PLEKHG4B: variants seen among roughly 807,000 people sequenced by gnomAD.
PLEKHG4B encodes the protein pleckstrin homology and RhoGEF domain containing G4B, also known as pleckstrin homology domain-containing family G member 4B.
Under a neutral mutation model 121.3 loss-of-function variants are expected in PLEKHG4B, and 111 were observed. The observed-to-expected ratio is 0.92, with a 90% CI of 0.78 to 1.07. The LOEUF (loss-of-function observed/expected upper bound fraction) is 1.07, where lower values mean the gene tolerates loss of function less well. PLEKHG4B is among the 50% of genes least tolerant of loss of function. PLEKHG4B has a pLI of 0.00. For synonymous variants in PLEKHG4B, 738 were observed against 725.0 expected (o/e 1.02, Z -0.29); for missense variants, 1,831 against 1,757.8 (o/e 1.04, Z -0.74).
rs777088796 is a variant in PLEKHG4B, at chr5:171,460, G to A, written c.4050+16G>A. 1.2e-5 allele frequency: 18 copies of A among 1,562,624 alleles called. No individual in the cohort carries two copies. Among genetic ancestry groups the A allele is most frequent in the South Asian group, 6.8e-5 (6 of 87,984 alleles). ...CGGCTGTGACGTAAGTGCCTCAGAC[G>A]CTGGCAGCTCAGGCAAGCTGGGGGA... On this transcript the variant is annotated intron_variant, in intron 16 of 19. Coordinates refer to ENST00000637938, the MANE Select transcript of PLEKHG4B (RefSeq NM_052909.5).
chr5:162,073 G>C (rs921515896), intron 12 of PLEKHG4B, 129 bp downstream of exon 12: 11 of 1,209,716 alleles, frequency 9.1e-6, no homozygotes, highest in Admixed American at 2.8e-5. Context: ...CTGCGATGGA[G>C]CCCCCCTGGC....
Position 183,845 on chromosome 5 carries a change from T to A in PLEKHG4B, c.*1522T>A, listed in dbSNP as rs1733510542. ...ACAGTGGAAACTATCCTGGATGGGG[T>A]AACAGATTGGATTTCACAGAAGAGA... On this transcript the variant is annotated 3_prime_UTR_variant, in exon 20 of 20. Coordinates refer to ENST00000637938, the MANE Select transcript of PLEKHG4B (RefSeq NM_052909.5). 1 of 151,950 alleles carries A rather than the reference T, an allele frequency of 6.6e-6. No homozygotes were observed. 9.4% of individuals were successfully genotyped at this position (151,950 alleles called of 1,614,324 possible).
At chr5:146,787 C>G (rs1735435005) in intron 6 of PLEKHG4B, among the ~76,000 whole-genome samples, 2 of 150,926 alleles carry the variant, frequency 1.3e-5, no homozygotes, top group Admixed American at 1.3e-4. Flanking sequence ...CACCACTTCT[C>G]TCCCCCACAC....
Position 182,165 on chromosome 5 carries a change from C to T in PLEKHG4B, c.4726C>T (p.His1576Tyr), listed in dbSNP as rs1407142159. The change falls in exon 20 of 20, where the codon CAC becomes TAC. Residue 1576 changes from histidine to tyrosine, a missense_variant. His to Tyr is a moderately conservative substitution (Grantham distance 83, BLOSUM62 2). Transcript: ENST00000637938. Reference sequence around the variant, plus strand: ...CCTGCTTGTGTCCTCCAGCCCAGCCCACCCGGGCCTATGGAGCCCTGCCCA... The same window carrying T: ...CCTGCTTGTGTCCTCCAGCCCAGCCTACCCGGGCCTATGGAGCCCTGCCCA... ...LGLLVSSSPA[H>Y]PGLWSPAHSP... is the part of the protein sequence containing the mutation. 3.7e-6 allele frequency: 6 copies of T among 1,613,982 alleles called. No individual in the cohort carries two copies. Among genetic ancestry groups the T allele is most frequent in the Non-Finnish European group, 5.1e-6 (6 of 1,180,024 alleles).
chr5:161,733 T>A, intron 11 of PLEKHG4B, 50 bp from the exon 12 acceptor site: 11 of 1,612,268 alleles, frequency 6.8e-6, no homozygotes, highest in Non-Finnish European at 9.3e-6. Flanking sequence ...CCTGGAGACA[T>A]GAACGTGGAA....
At position 184,728 on chromosome 5, in the gene PLEKHG4B, G is replaced by A. The variant is rs1246040636; in HGVS notation, c.*2405G>A. On this transcript the variant is annotated 3_prime_UTR_variant, in exon 20 of 20. Transcript: ENST00000637938. ...TCTCTAAACGGGAAATGGGTTAAAA[G>A]ATGAGTGGCTTGGCCGGGTGCGGTG... 1 of 152,200 alleles carries A rather than the reference G, an allele frequency of 6.6e-6. No homozygotes were observed. The highest frequency in any genetic ancestry group is 1.5e-5 in the Non-Finnish European group (1 of 68,044). 9.4% of individuals were successfully genotyped at this position (152,200 alleles called of 1,614,324 possible). A position where few individuals can be genotyped will look rare whatever the true frequency, so the allele number is the denominator to read the frequency against.
rs1246449050 is a variant in PLEKHG4B, at chr5:157,720, C to T, written c.2487+809C>T. On this transcript the variant is annotated intron_variant, in intron 11 of 19. Transcript: ENST00000637938. This position sits in a 1 kb window ranked among gnomAD's most constrained non-coding sequence, Gnocchi z 4.6. ...GGGTGCACACTCAGATAAAAAGTTTCTTTCTTTTCTCACATATAAACTCTT... is the reference window on the plus strand; with the variant it reads ...GGGTGCACACTCAGATAAAAAGTTTTTTTCTTTTCTCACATATAAACTCTT... 1.3e-5 allele frequency among the ~76,000 whole-genome samples: 2 copies of T among 152,154 alleles called. No individual in the cohort carries two copies. The highest frequency in any genetic ancestry group is 2.9e-5 in the Non-Finnish European group (2 of 68,028).
Position 163,049 on chromosome 5 carries a change from T to C in PLEKHG4B, c.2977T>C (p.Phe993Leu), listed in dbSNP as rs749343873. The C allele has an allele frequency of 1.2e-5, 19 of 1,560,338 alleles. No homozygotes were observed. Among genetic ancestry groups the C allele is most frequent in the Admixed American group, 1.9e-5 (1 of 52,324 alleles). Reference protein sequence around the residue: ...AMRRHQKPPSFPSTDSGGGAW... With the variant: ...AMRRHQKPPSLPSTDSGGGAW... ...GAGGAGGCACCAGAAGCCACCCTCA[T>C]TCCCCAGCACGGACAGTGGGGGTGG... The change falls in exon 13 of 20, where the codon TTC becomes CTC. Residue 993 changes from phenylalanine to leucine, a missense_variant. By Grantham distance (22) the Phe-to-Leu change is conservative. Coordinates refer to ENST00000637938, the MANE Select transcript of PLEKHG4B (RefSeq NM_052909.5).
rs1015587556 is a variant in PLEKHG4B at position 163,357 on chromosome 5, C to T, written c.3285C>T (p.Pro1095=). 8 of 1,613,196 alleles carry T rather than the reference C, an allele frequency of 5.0e-6. No homozygotes were observed. Among genetic ancestry groups the T allele is most frequent in the Non-Finnish European group, 5.9e-6 (7 of 1,180,036 alleles). The change falls in exon 13 of 20, where the codon CCC becomes CCT. Residue 1095 remains proline, a synonymous_variant. Transcript: ENST00000637938. ...SFEIPQPDSG[P]RDSCQPDHTS... is the part of the protein sequence containing the mutation. ...AGATACCTCAGCCCGACAGTGGCCC[C>T]AGGGACTCCTGCCAGCCAGACCATA...
intron 1 of PLEKHG4B, among the ~76,000 whole-genome samples, chr5:98,122 A>G (rs1422588997): frequency 3.9e-5 from 6 of 152,074 alleles, no homozygotes; most frequent in Non-Finnish European, 5.9e-5. Flanking sequence ...TTAAGAATCC[A>G]TTGCCACATG....
At chr5:104,727 T>C (rs1733924286) in intron 1 of PLEKHG4B, among the ~76,000 whole-genome samples, 3 of 152,264 alleles carry the variant, frequency 2.0e-5, no homozygotes, top group Admixed American at 2.0e-4. Flanking sequence ...ATAAGTTGTT[T>C]GACATCCTTT....
Position 182,416 on chromosome 5 carries a change from A to G in PLEKHG4B, c.*93A>G, listed in dbSNP as rs1733439570. 11 of 1,332,776 alleles carry G rather than the reference A, an allele frequency of 8.3e-6. No homozygotes were observed. In the South Asian group the frequency reaches 1.3e-4, roughly 15 times the overall value. The allele number at this position is 1,332,776 out of a possible 1,614,324, so 82.6% of individuals were successfully genotyped here. ...GATGACTCTGGGGGTGGCGGTGCCCATCGCGTGGCTGGAACGATCCAGAGG... is the reference window on the plus strand; with the variant it reads ...GATGACTCTGGGGGTGGCGGTGCCCGTCGCGTGGCTGGAACGATCCAGAGG... On this transcript the variant is annotated 3_prime_UTR_variant, in exon 20 of 20. Coordinates refer to ENST00000637938, the MANE Select transcript of PLEKHG4B (RefSeq NM_052909.5).
rs1733475809 is a variant in PLEKHG4B, at chr5:183,174, G to C, written c.*851G>C. 1 of 152,234 alleles carries C rather than the reference G, an allele frequency of 6.6e-6. No individual in the cohort carries two copies. The highest frequency in any genetic ancestry group is 1.5e-5 in the Non-Finnish European group (1 of 68,050). The allele number at this position is 152,234 out of a possible 1,614,324, so 9.4% of individuals were successfully genotyped here. A position where few individuals can be genotyped will look rare whatever the true frequency, so the allele number is the denominator to read the frequency against. On this transcript the variant is annotated 3_prime_UTR_variant, in exon 20 of 20. Coordinates refer to ENST00000637938, the MANE Select transcript of PLEKHG4B (RefSeq NM_052909.5). The stretch of plus-strand genomic sequence containing the variant: ...TAGCCCTAGACTGAGCCCTGCTCCT[G>C]ACTCGCCTACAAAATCATAAAAGCA...
chr5:96,477 C>A (rs1211260867), intron 1 of PLEKHG4B, among the ~76,000 whole-genome samples: 1 of 152,114 alleles, frequency 6.6e-6, no homozygotes, highest in Admixed American at 6.5e-5. Flanking sequence ...AGGATTTTAG[C>A]AAAACAATCA....
chr5:94,415 G>A (rs565251363), intron 1 of PLEKHG4B, among the ~76,000 whole-genome samples: 3 of 152,348 alleles, frequency 2.0e-5, no homozygotes, highest in South Asian at 4.1e-4. Context: ...TGTCTGACCC[G>A]AGACCCCAAC....
chr5:140,214 C>G lies in PLEKHG4B; in HGVS notation c.975C>G (p.Thr325=). ...AGGAGGACAGACCCAAGGCCCTCAC[C>G]TTCCACACAGACCTGGGCATCCCGA... ...MDQEDRPKAL[T]FHTDLGIPSS... Residue 325 remains threonine, a synonymous_variant, in exon 3 of 20, where the codon ACC becomes ACG. Coordinates refer to ENST00000637938, the MANE Select transcript of PLEKHG4B (RefSeq NM_052909.5). 7.4e-7 allele frequency: 1 copy of G among 1,349,130 alleles called. No homozygotes were observed. Among genetic ancestry groups the G allele is most frequent in the Non-Finnish European group, 9.9e-7 (1 of 1,009,224 alleles). 83.6% of individuals were successfully genotyped at this position (1,349,130 alleles called of 1,614,324 possible). A position where few individuals can be genotyped will look rare whatever the true frequency, so the allele number is the denominator to read the frequency against.
chr5:117,990 G>A (rs1214348225), intron 2 of PLEKHG4B, among the ~76,000 whole-genome samples: 1 of 152,056 alleles, frequency 6.6e-6, no homozygotes, highest in African/African-American at 2.4e-5. Context: ...AAAAGGAGGA[G>A]GGAGTTAACA....
intron 2 of PLEKHG4B, among the ~76,000 whole-genome samples, chr5:127,851 C>T (rs184717487): frequency 3.3e-5 from 5 of 152,212 alleles, no homozygotes; most frequent in Non-Finnish European, 7.4e-5. Context: ...CAGGGTACAG[C>T]TTGGTTTTAT....
At chr5:169,727 G>C in intron 14 of PLEKHG4B, 135 bp downstream of exon 14, 9 of 1,348,168 alleles carry the variant, frequency 6.7e-6, no homozygotes, top group Non-Finnish European at 9.0e-6. Context: ...GTCCTGACAG[G>C]ATGTTAAGAC....
Sources: allele counts gnomAD v4.1 joint callset (sites outside exome capture counted in the v4.1 genomes callset), GRCh38; gene constraint gnomAD v4.1.1; non-coding constraint Gnocchi (gnomAD v3.1); transcripts MANE v1.5; gene names NCBI Gene and HGNC (gene_info 2026-07-23, HGNC 2026-07-21).